Variants in SLC9A7 observed in about 807,000 individuals in gnomAD.
SLC9A7 encodes solute carrier family 9 member A7.
Under a neutral mutation model 52.6 loss-of-function variants are expected in SLC9A7, and 19 were observed. The observed-to-expected ratio is 0.36, with a 90% CI of 0.25 to 0.53. SLC9A7 has a LOEUF of 0.53. Among genes scored for constraint, SLC9A7 ranks in the 20% least tolerant of loss-of-function variants. The probability of loss-of-function intolerance (pLI) is 0.91; values close to 1 mark genes in which losing one functional copy is unlikely to be tolerated. For missense variants in SLC9A7, 455 were observed against 597.9 expected, an observed-to-expected ratio of 0.76 and a Z score of 2.49; for synonymous variants, 226 against 252.1, an observed-to-expected ratio of 0.90 and a Z score of 0.98.
chrX:46,616,791 T>A (rs992836847), intron 15 of SLC9A7, among the ~76,000 whole-genome samples: 1 of 111,796 alleles, frequency 8.9e-6, no homozygotes, highest in African/African-American at 3.3e-5. Context: ...CTCAACTGTA[T>A]TCTAACAACC....
At chrX:46,675,931 C>T (rs964849316) in intron 3 of SLC9A7, among the ~76,000 whole-genome samples, 1 of 112,219 alleles carries the variant, frequency 8.9e-6, no homozygotes, top group Non-Finnish European at 1.9e-5. Flanking sequence ...GATGGGGTTC[C>T]GAGAGCTTCC....
At chrX:46,661,182 T>G (rs1168757350) in intron 7 of SLC9A7, among the ~76,000 whole-genome samples, 2 of 91,774 alleles carry the variant, frequency 2.2e-5, no homozygotes, top group African/African-American at 4.2e-5. Context: ...TGAGAACACA[T>G]GGACACAGGA....
chrX:46,648,261 T>C (rs915601042), intron 11 of SLC9A7, among the ~76,000 whole-genome samples: 12 of 112,185 alleles, frequency 1.1e-4, no homozygotes, highest in Non-Finnish European at 2.3e-4. Flanking sequence ...TCAATTTCAT[T>C]ATTTTACAAG....
At chrX:46,656,614 G>C (rs1602187091) in intron 7 of SLC9A7, among the ~76,000 whole-genome samples, 1 of 112,298 alleles carries the variant, frequency 8.9e-6, no homozygotes, top group Admixed American at 9.4e-5. Context: ...CTGGAAGAAA[G>C]GGTATCAGTG....
chrX:46,693,314 C>G (rs1355371692), intron 1 of SLC9A7, among the ~76,000 whole-genome samples: 2 of 111,327 alleles, frequency 1.8e-5, no homozygotes, highest in Non-Finnish European at 3.8e-5. Context: ...AATAACAAAG[C>G]TGGGTGAATT....
At chrX:46,693,357 T>C (rs1396960672) in intron 1 of SLC9A7, among the ~76,000 whole-genome samples, 1 of 111,373 alleles carries the variant, frequency 9.0e-6, no homozygotes, top group East Asian at 2.8e-4. Flanking sequence ...ACTACAAAGA[T>C]AGTGTGGTAG....
chrX:46,691,385 T>TA (rs1161441613), intron 1 of SLC9A7, among the ~76,000 whole-genome samples: 2 of 112,351 alleles, frequency 1.8e-5, no homozygotes, highest in Admixed American at 9.4e-5. Flanking sequence ...CTTTTCCTGA[T>TA]ATATTTATTT....
chrX:46,631,633 C>T lies in SLC9A7; in HGVS notation c.1693G>A (p.Asp565Asn), dbSNP rs373308682. 9.9e-6 allele frequency: 12 copies of T among 1,208,198 alleles called. No homozygotes were observed. Among genetic ancestry groups the T allele is most frequent in the Non-Finnish European group, 1.3e-5 (12 of 892,855 alleles). The part of the protein sequence containing the change: ...WQYFRVGVDP[D>N]QDPPPNNDSF... ...TCGTTGTTGGGTGGTGGGTCTTGAT[C>T]GGGGTCAACACCAACTCTGAAAGTC... Residue 565 changes from aspartate to asparagine, a missense_variant, in exon 14 of 17, where the codon GAT (aspartate) becomes AAT (asparagine). Around this residue, in one of 3 missense-constraint regions of SLC9A7, gnomAD observed 146 missense variants for 160.5 expected, o/e 0.91. Coordinates refer to ENST00000616978, the MANE Select transcript of SLC9A7 (RefSeq NM_001257291.2).
intron 1 of SLC9A7, among the ~76,000 whole-genome samples, chrX:46,738,031 AAAAGAAAGAAAG>A (rs58544637): frequency 0.08 from 5,632 of 70,294 alleles, 399 homozygotes; most frequent in African/African-American, 0.16. Context: ...TGTCTCAAAA[AAAAGAAAGAAAG>A]AAAGAAAGAA....
intron 1 of SLC9A7, among the ~76,000 whole-genome samples, chrX:46,747,409 T>C (rs1196680285): frequency 1.8e-5 from 2 of 111,943 alleles, no homozygotes; most frequent in Admixed American, 9.5e-5. Context: ...CTCAAAACTA[T>C]GTACATCTAT....
intron 1 of SLC9A7, among the ~76,000 whole-genome samples, chrX:46,741,075 G>T (rs1481875362): frequency 9.0e-6 from 1 of 111,564 alleles, no homozygotes; most frequent in Non-Finnish European, 1.9e-5. Flanking sequence ...AATACTTAAG[G>T]ATAAGTCCAT....
intron 13 of SLC9A7, among the ~76,000 whole-genome samples, chrX:46,633,379 A>C (rs1030676469): frequency 2.1e-5 from 2 of 95,930 alleles, no homozygotes; most frequent in Admixed American, 1.2e-4. Flanking sequence ...AAAAAAAAAA[A>C]AACAGATCGG....
chrX:46,694,329 G>A (rs1435998624), intron 1 of SLC9A7, among the ~76,000 whole-genome samples: 2 of 110,299 alleles, frequency 1.8e-5, no homozygotes, highest in African/African-American at 3.3e-5. Flanking sequence ...AGAAAATGAC[G>A]AGGAAAAAAC....
intron 1 of SLC9A7, among the ~76,000 whole-genome samples, chrX:46,735,707 T>C (rs1945111071): frequency 9.0e-6 from 1 of 111,609 alleles, no homozygotes; most frequent in African/African-American, 3.3e-5. Flanking sequence ...TCTCAAAAAG[T>C]CTTTTTTCTT....
At chrX:46,615,440 C>A (rs1160056157) in intron 15 of SLC9A7, among the ~76,000 whole-genome samples, 1 of 110,450 alleles carries the variant, frequency 9.1e-6, no homozygotes, top group Non-Finnish European at 1.9e-5. Flanking sequence ...TGGGAAGAGA[C>A]CCTACAGGCC....
chrX:46,744,482 A>G (rs1921590893), intron 1 of SLC9A7, among the ~76,000 whole-genome samples: 1 of 112,337 alleles, frequency 8.9e-6, no homozygotes, highest in African/African-American at 3.2e-5. Flanking sequence ...TTTGAAGTAA[A>G]TGTGTCTTTA....
chrX:46,737,044 ATCT>A (rs1279383762), intron 1 of SLC9A7, among the ~76,000 whole-genome samples: 1 of 111,645 alleles, frequency 9.0e-6, no homozygotes, highest in Admixed American at 9.5e-5. Flanking sequence ...AAGAAAGTAG[ATCT>A]TCTTTCTTTT....
rs187961256 is a variant in SLC9A7, at chrX:46,668,427, A to G, written c.793+1180T>C. On this transcript the variant is annotated intron_variant, in intron 5 of 16. Coordinates refer to ENST00000616978, the MANE Select transcript of SLC9A7 (RefSeq NM_001257291.2). ...CTCCGGAGGCTGAGGCAGAGGAGGC[A>G]GAGGCGGAGGCAGAGGTTACGGTGA... Among the ~76,000 whole-genome samples, 354 of 111,642 alleles carry G rather than the reference A, an allele frequency of 3.2e-3. 12 individuals carry two copies. In the South Asian group the frequency reaches 0.1, roughly 32 times the overall value.
At chrX:46,701,514 C>A (rs1368257918) in intron 1 of SLC9A7, among the ~76,000 whole-genome samples, 6 of 111,430 alleles carry the variant, frequency 5.4e-5, no homozygotes, top group Non-Finnish European at 1.1e-4. Context: ...TTGAACCCAG[C>A]AGGCGGAGGT....
Sources: gnomAD v4.1 joint callset for allele counts (sites outside exome capture counted in the v4.1 genomes callset) on GRCh38, gnomAD v4.1.1 for gene constraint, gnomAD v4.1.1 regional missense constraint, MANE v1.5 for transcripts, NCBI Gene and HGNC (gene_info 2026-07-23, HGNC 2026-07-21) for gene names.